The following LRRC7 variants were observed in gnomAD, a reference collection of about 807,000 sequenced individuals.
LRRC7 encodes the protein leucine rich repeat containing 7, also known as leucine-rich repeat-containing protein 7.
A neutral mutation model predicts 175.7 loss-of-function variants in LRRC7; 23 were observed. The observed-to-expected ratio is 0.13, with a 90% CI of 0.09 to 0.19. The LOEUF (loss-of-function observed/expected upper bound fraction) is 0.19, where lower values mean the gene tolerates loss of function less well. Ranked by LOEUF, LRRC7 falls within the 10% of genes least tolerant of loss-of-function variation. LRRC7 has a pLI of 1.00. For synonymous variants in LRRC7, 685 were observed against 680.9 expected, an observed-to-expected ratio of 1.01 and a Z score of -0.09; for missense variants, 1,354 against 1,904.7, an observed-to-expected ratio of 0.71 and a Z score of 5.38.
intron 1 of LRRC7, among the ~76,000 whole-genome samples, chr1:69,656,164 TAGTA>T (rs1415262695): frequency 6.6e-6 from 1 of 151,906 alleles, no homozygotes; most frequent in African/African-American, 2.4e-5. Flanking sequence ...TAGAAAAAAA[TAGTA>T]AGAATTTTAA....
In LRRC7 at chr1:70,142,763, A is replaced by G. The variant is rs547130120; in HGVS notation, c.*20876A>G. 3.8e-4 allele frequency: 58 copies of G among 152,258 alleles called. No homozygotes were observed. Among genetic ancestry groups the G allele is most frequent in the African/African-American group, 1.4e-3 (57 of 41,580 alleles). The allele number at this position is 152,258 out of a possible 1,614,324, so 9.4% of individuals were successfully genotyped here. A position where few individuals can be genotyped will look rare whatever the true frequency, so the allele number is the denominator to read the frequency against. On this transcript the variant is annotated 3_prime_UTR_variant, in exon 27 of 27. Coordinates refer to ENST00000651989, the MANE Select transcript of LRRC7 (RefSeq NM_001370785.2). ...CCAACCAGCTATATATAAGAAAACC[A>G]TAACATGAACTAGGGTCTTTCTATT...
intron 3 of LRRC7, among the ~76,000 whole-genome samples, chr1:69,782,323 T>A (rs111462708): frequency 6.6e-6 from 1 of 152,194 alleles, no homozygotes; most frequent in Non-Finnish European, 1.5e-5. Flanking sequence ...GAAACTACAC[T>A]ACAATCTTGT....
intron 1 of LRRC7, among the ~76,000 whole-genome samples, chr1:69,592,314 A>G (rs1646669481): frequency 6.6e-6 from 1 of 152,100 alleles, no homozygotes; most frequent in Non-Finnish European, 1.5e-5. Context: ...AGAACATAAG[A>G]ACATTGCCTA....
intron 25 of LRRC7, among the ~76,000 whole-genome samples, chr1:70,090,358 CAGA>C (rs748481090): frequency 2.0e-5 from 3 of 152,010 alleles, no homozygotes; most frequent in Admixed American, 6.6e-5. Flanking sequence ...TTAGCATTAG[CAGA>C]AGAATTAGGT....
chr1:69,591,128 G>A (rs1350589854), intron 1 of LRRC7, among the ~76,000 whole-genome samples: 1 of 151,958 alleles, frequency 6.6e-6, no homozygotes, highest in Non-Finnish European at 1.5e-5. Flanking sequence ...CATTGATTTT[G>A]GATTACATAT....
intron 1 of LRRC7, among the ~76,000 whole-genome samples, chr1:69,602,763 G>A (rs535282307): frequency 3.4e-4 from 52 of 152,230 alleles, no homozygotes; most frequent in African/African-American, 1.0e-3. Flanking sequence ...GTCATGGACC[G>A]TATAATGATG....
At chr1:69,707,134 T>G (rs750677882) in intron 2 of LRRC7, among the ~76,000 whole-genome samples, 2 of 152,120 alleles carry the variant, frequency 1.3e-5, no homozygotes, top group Non-Finnish European at 2.9e-5. Context: ...AAAAAAAAGT[T>G]TCTGTAGCTG....
At chr1:69,708,421 A>G (rs969910973) in intron 2 of LRRC7, among the ~76,000 whole-genome samples, 2 of 152,138 alleles carry the variant, frequency 1.3e-5, no homozygotes, top group Non-Finnish European at 2.9e-5. Context: ...TCCTTAAAAT[A>G]TACCACATAC....
intron 1 of LRRC7, among the ~76,000 whole-genome samples, chr1:69,669,021 T>C (rs1658677658): frequency 6.6e-6 from 1 of 152,178 alleles, no homozygotes; most frequent in African/African-American, 2.4e-5. Flanking sequence ...TTATATCTTA[T>C]CATACTGTCT....
chr1:69,848,389 C>T (rs1167143310), intron 7 of LRRC7, among the ~76,000 whole-genome samples: 2 of 152,064 alleles, frequency 1.3e-5, no homozygotes, highest in African/African-American at 2.4e-5. Context: ...TATTGAGGGA[C>T]TGATTTTCAC....
chr1:69,768,963 T>A lies in LRRC7; in HGVS notation c.303+8570T>A, dbSNP rs530841808. On this transcript the variant is annotated intron_variant, in intron 3 of 26. Coordinates refer to ENST00000651989, the MANE Select transcript of LRRC7 (RefSeq NM_001370785.2). The stretch of plus-strand genomic sequence containing the variant: ...TGGAATGTGCTTTTATGTTTGGGGA[T>A]GTGGGGTGGAATAGGTTTTCTAAAA... Among the ~76,000 whole-genome samples the A allele has an allele frequency of 3.9e-5, 6 of 152,298 alleles. No homozygotes were observed. The East Asian group carries it at 1.2e-3, about 29-fold the overall frequency.
At chr1:69,962,743 C>G (rs913189783) in intron 8 of LRRC7, among the ~76,000 whole-genome samples, 1 of 152,098 alleles carries the variant, frequency 6.6e-6, no homozygotes, top group Admixed American at 6.6e-5. Context: ...CCAAATACCA[C>G]ATATTCTCAC....
chr1:69,833,996 A>C (rs1283393784), intron 5 of LRRC7, among the ~76,000 whole-genome samples: 4 of 152,176 alleles, frequency 2.6e-5, no homozygotes, highest in Non-Finnish European at 4.4e-5. Flanking sequence ...AGGCATTAAA[A>C]TGTTTAAATA....
At chr1:69,626,117 T>C (rs1394798418) in intron 1 of LRRC7, among the ~76,000 whole-genome samples, 1 of 152,206 alleles carries the variant, frequency 6.6e-6, no homozygotes, top group Non-Finnish European at 1.5e-5. Context: ...CTGAGATTAT[T>C]CTGAGATGGA....
chr1:70,109,599 C>T (rs1665385783), intron 26 of LRRC7, among the ~76,000 whole-genome samples: 1 of 152,128 alleles, frequency 6.6e-6, no homozygotes, highest in African/African-American at 2.4e-5. Context: ...TTTGGATAGC[C>T]TAACTAGTCC....
intron 7 of LRRC7, among the ~76,000 whole-genome samples, chr1:69,891,029 T>G (rs892646973): frequency 6.6e-6 from 1 of 152,264 alleles, no homozygotes; most frequent in Non-Finnish European, 1.5e-5. Flanking sequence ...CCTGTTTCAC[T>G]TTCTTATCAT....
chr1:69,891,565 C>G (rs1411098871), intron 7 of LRRC7, among the ~76,000 whole-genome samples: 2 of 152,100 alleles, frequency 1.3e-5, no homozygotes, highest in Non-Finnish European at 2.9e-5. Flanking sequence ...AACCCCACCT[C>G]TACTAAAAAT....
rs1653931327 is a variant in LRRC7, at chr1:69,986,304, T to G, written c.849T>G (p.Val283=). Residue 283 remains valine, a synonymous_variant, in exon 10 of 27, where the codon GTT becomes GTG. Coordinates refer to ENST00000651989, the MANE Select transcript of LRRC7 (RefSeq NM_001370785.2). ...LDMSKNRIET[V]DMDISGCEAL... ...TGTCAAAAAACAGAATAGAAACAGT[T>G]GACATGGACATTTCTGGATGTGAAG... 1 of 1,613,528 alleles carries G rather than the reference T, an allele frequency of 6.2e-7. No individual in the cohort carries two copies. Among genetic ancestry groups the G allele is most frequent in the Admixed American group, 1.7e-5 (1 of 60,022 alleles).
At chr1:69,989,062 T>C (rs1051912457) in intron 10 of LRRC7, among the ~76,000 whole-genome samples, 2 of 152,110 alleles carry the variant, frequency 1.3e-5, no homozygotes, top group African/African-American at 2.4e-5. Context: ...GAATAACAAT[T>C]AGGTGTTATA....
Sources: allele counts gnomAD v4.1 joint callset (sites outside exome capture counted in the v4.1 genomes callset), GRCh38; gene constraint gnomAD v4.1.1; transcripts MANE v1.5; gene names NCBI Gene and HGNC (gene_info 2026-07-23, HGNC 2026-07-21).